HM13: variants seen among roughly 807,000 people sequenced by gnomAD.
The protein encoded by HM13 is histocompatibility minor 13.
A neutral mutation model predicts 50.0 loss-of-function variants in HM13; 18 were observed. The observed-to-expected ratio is 0.36, with a 90% CI of 0.25 to 0.53. The LOEUF is 0.53. Among genes scored for constraint, HM13 ranks in the 20% least tolerant of loss-of-function variants. HM13 has a pLI of 0.90. For missense variants in HM13, 393 were observed against 552.4 expected (o/e 0.71, Z 2.89); for synonymous variants, 197 against 232.6 (o/e 0.85, Z 1.39).
intron 2 of HM13, among the ~76,000 whole-genome samples, chr20:31,536,720 A>G (rs1035266025): frequency 6.6e-6 from 1 of 151,912 alleles, no homozygotes; most frequent in African/African-American, 2.4e-5. Flanking sequence ...ACACATGAAC[A>G]TTCACCCACC....
rs1470372647 is a variant in HM13 at position 31,514,591 on chromosome 20, G to A, written c.40G>A (p.Glu14Lys). 3 of 1,603,540 alleles carry A rather than the reference G, an allele frequency of 1.9e-6. No individual in the cohort carries two copies. The highest frequency in any genetic ancestry group is 4.5e-5 in the East Asian group (2 of 44,468). The change falls in exon 1 of 13, where the codon GAG becomes AAG. Residue 14 changes from glutamate (E) to lysine (K), a missense_variant. This residue lies in a region of HM13 where 214 missense variants were observed against 276.1 expected (regional missense o/e 0.77). Transcript: ENST00000398174. This position sits in a 1 kb window ranked among gnomAD's most constrained non-coding sequence, Gnocchi z 4.3. ...ALSDPHNGSA[E>K]AGGPTNSTTR... ...CAGCGATCCGCATAACGGCAGTGCCGAGGCAGGCGGCCCCACCAACAGCAC... is the reference window on the plus strand; with the variant it reads ...CAGCGATCCGCATAACGGCAGTGCCAAGGCAGGCGGCCCCACCAACAGCAC...
chr20:31,539,796 A>T (rs1983332036), intron 3 of HM13: 1 of 151,504 alleles, frequency 6.6e-6, no homozygotes, highest in South Asian at 2.1e-4. Flanking sequence ...TCCATCTCAA[A>T]AAAAAAAAAA....
chr20:31,566,528 C>G (rs1000052074), intron 11 of HM13, among the ~76,000 whole-genome samples: 1 of 152,124 alleles, frequency 6.6e-6, no homozygotes, highest in Non-Finnish European at 1.5e-5. Flanking sequence ...CTCTAGGCAT[C>G]CCCCATCCAA....
At chr20:31,556,631 G>A (rs894452081) in intron 8 of HM13, among the ~76,000 whole-genome samples, 7 of 152,168 alleles carry the variant, frequency 4.6e-5, no homozygotes, top group African/African-American at 1.4e-4. Context: ...AAAAGGCTAC[G>A]CTGTCAGAAC....
chr20:31,548,272 G>T, intron 4 of HM13: 1 of 484,490 alleles, frequency 2.1e-6, no homozygotes. Context: ...GAATGTGAAA[G>T]GAGTGTCTGG....
chr20:31,560,077 C>T (rs945311242), intron 9 of HM13, among the ~76,000 whole-genome samples: 7 of 152,370 alleles, frequency 4.6e-5, no homozygotes, highest in Non-Finnish European at 7.3e-5. Context: ...ATCAGCCTAG[C>T]GTCAGGTCAC....
chr20:31,562,252 C>T (rs1181520595), intron 10 of HM13, among the ~76,000 whole-genome samples: 2 of 152,124 alleles, frequency 1.3e-5, no homozygotes, highest in African/African-American at 2.4e-5. Context: ...AGCAACATAG[C>T]ACAAAGACTG....
intron 1 of HM13, among the ~76,000 whole-genome samples, chr20:31,520,057 A>T (rs1982057850): frequency 1.3e-5 from 2 of 152,058 alleles, no homozygotes; most frequent in African/African-American, 4.8e-5. Flanking sequence ...GGGTTTTACC[A>T]TGTTGGCCAG....
rs770396028 is a variant in HM13, at chr20:31,514,546, C to G, written c.-6C>G. On this transcript the variant is annotated 5_prime_UTR_variant, in exon 1 of 13. Coordinates refer to ENST00000398174, the MANE Select transcript of HM13 (RefSeq NM_178581.3). The surrounding 1 kb of genome is among the most constrained non-coding windows in gnomAD (Gnocchi z 4.3). ...GCTGGAGTCGGATCCCGAACGCACCCTCGCCATGGACTCGGCCCTCAGCGA... is the reference window on the plus strand; with the variant it reads ...GCTGGAGTCGGATCCCGAACGCACCGTCGCCATGGACTCGGCCCTCAGCGA... 6 of 1,603,768 alleles carry G rather than the reference C, an allele frequency of 3.7e-6. No homozygotes were observed. The highest frequency in any genetic ancestry group is 4.2e-6 in the Non-Finnish European group (5 of 1,177,188).
At chr20:31,549,672 A>G (rs1228991763) in intron 6 of HM13, among the ~76,000 whole-genome samples, 1 of 152,228 alleles carries the variant, frequency 6.6e-6, no homozygotes, top group African/African-American at 2.4e-5. Context: ...GAATGGGCCC[A>G]GCAAGGGCAT....
intron 7 of HM13, among the ~76,000 whole-genome samples, chr20:31,552,097 G>A (rs1984064661): frequency 6.6e-6 from 1 of 152,008 alleles, no homozygotes; most frequent in African/African-American, 2.4e-5. Context: ...TCCAGAGCAA[G>A]GGAACAGATG....
chr20:31,565,199 C>T (rs1984838274), intron 10 of HM13, among the ~76,000 whole-genome samples: 1 of 150,620 alleles, frequency 6.6e-6, no homozygotes, highest in African/African-American at 2.4e-5. Context: ...ACTCTTTGGG[C>T]TGGGCGTGGT....
intron 3 of HM13, among the ~76,000 whole-genome samples, chr20:31,541,988 G>A (rs576553281): frequency 3.1e-4 from 47 of 152,336 alleles, no homozygotes; most frequent in Middle Eastern, 3.4e-3. Flanking sequence ...AAAGTGAAGT[G>A]GGGGGAGCTT....
intron 12 of HM13, 200 bp downstream of exon 12, chr20:31,568,424 C>G (rs1985058738): frequency 1.4e-6 from 1 of 695,576 alleles, no homozygotes; most frequent in African/African-American, 1.8e-5. Flanking sequence ...AGCTTCCTGC[C>G]CTCACCAGTA....
At position 31,558,380 on chromosome 20, in the gene HM13, C is replaced by T. The variant is rs140544753; in HGVS notation, c.809-1231C>T. Among the ~76,000 whole-genome samples the T allele has an allele frequency of 1.3e-3, 204 of 152,246 alleles. 6 individuals are homozygous for T. The East Asian group carries it at 0.036, about 27-fold the overall frequency. On this transcript the variant is annotated intron_variant, in intron 8 of 12. Coordinates refer to ENST00000398174, the MANE Select transcript of HM13 (RefSeq NM_178581.3). Reference sequence around the variant, plus strand: ...TGTTCTGCTCAGAACTCCTCCAGTGCGTCTCTTCACTCAGGATAAAGACCC... The same window carrying T: ...TGTTCTGCTCAGAACTCCTCCAGTGTGTCTCTTCACTCAGGATAAAGACCC...
chr20:31,560,123 C>T (rs1178072481), intron 9 of HM13, among the ~76,000 whole-genome samples: 3 of 152,232 alleles, frequency 2.0e-5, no homozygotes, highest in Non-Finnish European at 2.9e-5. Context: ...CCTGCCCTCT[C>T]TTTACTCAGA....
At chr20:31,543,446 G>A (rs150586529) in intron 3 of HM13, among the ~76,000 whole-genome samples, 536 of 152,008 alleles carry the variant, frequency 3.5e-3, no homozygotes, top group African/African-American at 0.012. Flanking sequence ...CCACCACGCC[G>A]GGCTAATTTT....
chr20:31,539,394 T>C, intron 3 of HM13: 1 of 985,422 alleles, frequency 1.0e-6, no homozygotes. Context: ...GAACTTAGCT[T>C]TCTTTGAAGG....
intron 8 of HM13, among the ~76,000 whole-genome samples, chr20:31,558,930 G>GT (rs1329641540): frequency 4.0e-5 from 6 of 151,856 alleles, no homozygotes; most frequent in South Asian, 2.1e-4. Context: ...GTTTTGTTTT[G>GT]TTTTTTTGAG....
Sources: gnomAD v4.1 joint callset for allele counts (sites outside exome capture counted in the v4.1 genomes callset) on GRCh38, gnomAD v4.1.1 for gene constraint, gnomAD v4.1.1 regional missense constraint, Gnocchi (gnomAD v3.1) non-coding constraint, MANE v1.5 for transcripts, NCBI Gene and HGNC (gene_info 2026-07-23, HGNC 2026-07-21) for gene names.